PABPC4L: variants seen among roughly 807,000 people sequenced by gnomAD.
The protein encoded by PABPC4L is polyadenylate-binding protein 4-like.
For missense variants in PABPC4L, 452 were observed against 451.4 expected (o/e 1.00, Z -0.01); for synonymous variants, 169 against 164.1 (o/e 1.03, Z -0.23).
the PABPC4L span, among the ~76,000 whole-genome samples, chr4:134,097,712 A>T: frequency 6.6e-6 from 1 of 151,790 alleles, no homozygotes; most frequent in Non-Finnish European, 1.5e-5. Flanking sequence ...ACAAATCACG[A>T]CTCGACTCTA....
At chr4:134,060,462 G>T in the PABPC4L span, among the ~76,000 whole-genome samples, 1 of 151,434 alleles carries the variant, frequency 6.6e-6, no homozygotes, top group African/African-American at 2.4e-5. Context: ...GAGAGGAAAA[G>T]AAAGAGTAAA....
chr4:134,086,356 C>T, the PABPC4L span, among the ~76,000 whole-genome samples: 1 of 152,100 alleles, frequency 6.6e-6, no homozygotes, highest in Non-Finnish European at 1.5e-5. Context: ...CTTGCATTGT[C>T]ACTCCCCTAA....
At chr4:134,181,118 T>C in the PABPC4L span, among the ~76,000 whole-genome samples, 1 of 151,886 alleles carries the variant, frequency 6.6e-6, no homozygotes, top group South Asian at 2.1e-4. Flanking sequence ...GCAAAAATCC[T>C]CAATAAAACA....
chr4:134,016,132 G>C, the PABPC4L span, among the ~76,000 whole-genome samples: 7 of 151,882 alleles, frequency 4.6e-5, no homozygotes, highest in African/African-American at 1.7e-4. Context: ...AGGCCTAATC[G>C]CCACTCACCA....
At chr4:134,087,191 C>A in the PABPC4L span, among the ~76,000 whole-genome samples, 3 of 152,000 alleles carry the variant, frequency 2.0e-5, no homozygotes, top group East Asian at 5.8e-4. Flanking sequence ...AAATGTCCAA[C>A]AATGATAGAC....
chr4:134,079,578 CAAAAAAAAAA>C, the PABPC4L span, among the ~76,000 whole-genome samples: 4 of 90,696 alleles, frequency 4.4e-5, no homozygotes, highest in Middle Eastern at 9.8e-3. Flanking sequence ...GACTTCCTCT[CAAAAAAAAAA>C]AAAAAAAAAA....
At chr4:134,185,943 C>A in the PABPC4L span, among the ~76,000 whole-genome samples, 1 of 152,100 alleles carries the variant, frequency 6.6e-6, no homozygotes, top group African/African-American at 2.4e-5. Flanking sequence ...ACAATTGCTA[C>A]AAAGACAATA....
At chr4:134,066,371 C>G in the PABPC4L span, among the ~76,000 whole-genome samples, 1 of 152,066 alleles carries the variant, frequency 6.6e-6, no homozygotes, top group East Asian at 1.9e-4. Flanking sequence ...AGAAATGCTA[C>G]TGATTTTTTT....
chr4:134,061,153 T>C, the PABPC4L span, among the ~76,000 whole-genome samples: 90 of 152,212 alleles, frequency 5.9e-4, no homozygotes, highest in African/African-American at 1.7e-3. Flanking sequence ...GTGATTATTA[T>C]GCATTTTATG....
chr4:134,173,436 ATTAAG>A, the PABPC4L span, among the ~76,000 whole-genome samples: 242 of 152,202 alleles, frequency 1.6e-3, 1 homozygote, highest in African/African-American at 5.5e-3. Context: ...ACTGGAGGAC[ATTAAG>A]TTAAGTAAGA....
Position 134,200,045 on chromosome 4 carries a change from C to T in PABPC4L, c.975G>A (p.Met325Ile). 6.4e-7 allele frequency: 1 copy of T among 1,551,692 alleles called. No individual in the cohort carries two copies. Among genetic ancestry groups the T allele is most frequent in the Non-Finnish European group, 8.7e-7 (1 of 1,146,976 alleles). Residue 325 changes from methionine to isoleucine, a missense_variant, in exon 2 of 2, where the codon ATG (methionine) becomes ATA (isoleucine). Coordinates refer to ENST00000421491, the MANE Select transcript of PABPC4L (RefSeq NM_001114734.2). Reference protein sequence around the residue: ...SFGSISRVKVMQEEGQSKGFG... With the variant: ...SFGSISRVKVIQEEGQSKGFG... ...ACCCTTTGCTCTGCCCCTCTTCCTGCATTACCTTAACTCTGCTAATTGATC... is the reference window on the plus strand; with the variant it reads ...ACCCTTTGCTCTGCCCCTCTTCCTGTATTACCTTAACTCTGCTAATTGATC...
chr4:134,057,164 C>T, the PABPC4L span, among the ~76,000 whole-genome samples: 2 of 152,024 alleles, frequency 1.3e-5, no homozygotes, highest in African/African-American at 4.8e-5. Flanking sequence ...CTCATGCTGA[C>T]ATCTTTCTCC....
chr4:134,180,721 C>CA, the PABPC4L span, among the ~76,000 whole-genome samples: 691 of 151,200 alleles, frequency 4.6e-3, 9 homozygotes, highest in African/African-American at 0.016. Context: ...TACAGAAACA[C>CA]AAAAAAACCC....
At chr4:134,093,571 C>CTTTTTTTTTTTTTTTTTTTTTTTTTTT in the PABPC4L span, among the ~76,000 whole-genome samples, 1 of 144,086 alleles carries the variant, frequency 6.9e-6, no homozygotes, top group African/African-American at 2.5e-5. Context: ...TTTTCTTTCT[C>CTTTTTTTTTTTTTTTTTTTTTTTTTTT]TTTTTTTTTT....
At chr4:133,959,850 T>A in the PABPC4L span, among the ~76,000 whole-genome samples, 284 of 152,362 alleles carry the variant, frequency 1.9e-3, 1 homozygote, top group African/African-American at 6.6e-3. Flanking sequence ...TTTTATGGTA[T>A]GGAGACATAT....
At chr4:134,128,187 A>G in the PABPC4L span, among the ~76,000 whole-genome samples, 1 of 152,258 alleles carries the variant, frequency 6.6e-6, no homozygotes, top group East Asian at 1.9e-4. Flanking sequence ...CCTAAGAATA[A>G]TTGGTGCTCC....
the PABPC4L span, among the ~76,000 whole-genome samples, chr4:134,098,214 A>G: frequency 6.6e-6 from 1 of 151,764 alleles, no homozygotes; most frequent in Non-Finnish European, 1.5e-5. Flanking sequence ...GTCAATATGC[A>G]TGGACATAGC....
At chr4:134,174,594 G>A in the PABPC4L span, among the ~76,000 whole-genome samples, 2 of 151,984 alleles carry the variant, frequency 1.3e-5, no homozygotes, top group East Asian at 1.9e-4. Context: ...ATATAACACT[G>A]ATCAAAACAT....
Position 134,199,620 on chromosome 4 carries a change from A to C in PABPC4L, c.*287T>G, listed in dbSNP as rs1729778567. On this transcript the variant is annotated 3_prime_UTR_variant, in exon 2 of 2. Coordinates refer to ENST00000421491, the MANE Select transcript of PABPC4L (RefSeq NM_001114734.2). ...TAATTACCTCATTTCATTTGGTTCA[A>C]ATGTAAAAATATATCTATTTATACT... 3.9e-6 allele frequency: 1 copy of C among 255,076 alleles called. No individual in the cohort carries two copies. Among genetic ancestry groups the C allele is most frequent in the Admixed American group, 5.3e-5 (1 of 18,816 alleles). The allele number at this position is 255,076 out of a possible 1,614,324, so 15.8% of individuals were successfully genotyped here.
Sources: gnomAD v4.1 joint callset for allele counts (sites outside exome capture counted in the v4.1 genomes callset) on GRCh38, gnomAD v4.1.1 for gene constraint, MANE v1.5 for transcripts, NCBI Gene and HGNC (gene_info 2026-07-23, HGNC 2026-07-21) for gene names.